EYA2: variants seen among roughly 807,000 people sequenced by gnomAD.
EYA2 encodes EYA transcriptional coactivator and phosphatase 2.
In EYA2, 31 loss-of-function variants were observed where a neutral mutation model predicts 69.2. That is an observed-to-expected ratio of 0.45 (90% CI 0.34 to 0.60). The LOEUF (loss-of-function observed/expected upper bound fraction) is 0.60, where lower values mean the gene tolerates loss of function less well. Among genes scored for constraint, EYA2 ranks in the 20% least tolerant of loss-of-function variants. The probability of loss-of-function intolerance (pLI) is 0.02; values close to 1 mark genes in which losing one functional copy is unlikely to be tolerated. For synonymous variants in EYA2, 257 were observed against 279.4 expected (o/e 0.92, Z 0.80); for missense variants, 622 against 701.2 (o/e 0.89, Z 1.28).
At chr20:47,069,255 A>T (rs1460918580) in intron 5 of EYA2, among the ~76,000 whole-genome samples, 1 of 152,186 alleles carries the variant, frequency 6.6e-6, no homozygotes, top group African/African-American at 2.4e-5. Flanking sequence ...ACACTTTGGG[A>T]AGCTGAGGCA....
intron 1 of EYA2, among the ~76,000 whole-genome samples, chr20:46,986,388 G>GATATATATAGATCTATATAATATCT: frequency 1.5e-5 from 1 of 66,026 alleles, no homozygotes; most frequent in South Asian, 4.7e-4. Flanking sequence ...ATTATATATC[G>GATATATATAGATCTATATAATATCT]ATATATAATA....
intron 5 of EYA2, among the ~76,000 whole-genome samples, chr20:47,039,111 T>TCACACA (rs11467574): frequency 0.12 from 18,201 of 149,876 alleles, 1,143 homozygotes; most frequent in Non-Finnish European, 0.14. Flanking sequence ...GATGTCGAAA[T>TCACACA]CACACACACA....
intron 5 of EYA2, among the ~76,000 whole-genome samples, chr20:47,060,851 CTT>C (rs35809050): frequency 0.26 from 32,845 of 125,168 alleles, 3,640 homozygotes; most frequent in African/African-American, 0.36. Flanking sequence ...CTCTCTCTCT[CTT>C]TTTTTTTTTT....
intron 1 of EYA2, among the ~76,000 whole-genome samples, chr20:46,965,009 C>G (rs1484325819): frequency 6.6e-6 from 1 of 152,162 alleles, no homozygotes; most frequent in Non-Finnish European, 1.5e-5. Flanking sequence ...CACTAGACGC[C>G]CAACTTGTAG....
At chr20:47,012,227 A>G (rs1187753322) in intron 4 of EYA2, among the ~76,000 whole-genome samples, 2 of 152,218 alleles carry the variant, frequency 1.3e-5, no homozygotes, top group African/African-American at 2.4e-5. Flanking sequence ...GAACTTGCAG[A>G]TAGTTCACGA....
intron 10 of EYA2, among the ~76,000 whole-genome samples, chr20:47,145,631 G>T (rs780192968): frequency 6.6e-6 from 1 of 152,172 alleles, no homozygotes. Context: ...GGGCATGGTG[G>T]CTCACACCTG....
intron 3 of EYA2, among the ~76,000 whole-genome samples, chr20:47,003,418 G>T (rs1982498323): frequency 6.6e-6 from 1 of 152,242 alleles, no homozygotes; most frequent in Admixed American, 6.5e-5. Context: ...CATTGTTGCA[G>T]ACAGGATGTG....
At chr20:47,113,380 G>T (rs1051989908) in intron 9 of EYA2, among the ~76,000 whole-genome samples, 1 of 152,178 alleles carries the variant, frequency 6.6e-6, no homozygotes, top group African/African-American at 2.4e-5. Flanking sequence ...GGAGAGAGGG[G>T]CTGATCGGCT....
chr20:47,131,425 A>G (rs2067194770), intron 9 of EYA2, among the ~76,000 whole-genome samples: 1 of 152,220 alleles, frequency 6.6e-6, no homozygotes, highest in Admixed American at 6.5e-5. Context: ...TATACTCAAA[A>G]TAACCGCATT....
chr20:47,064,338 A>AG (rs2031026025), intron 5 of EYA2, among the ~76,000 whole-genome samples: 1 of 152,226 alleles, frequency 6.6e-6, no homozygotes, highest in Non-Finnish European at 1.5e-5. Flanking sequence ...TGGCGGAATA[A>AG]TATTCCATTG....
At chr20:47,101,834 A>G (rs1425643541) in intron 9 of EYA2, among the ~76,000 whole-genome samples, 1 of 152,194 alleles carries the variant, frequency 6.6e-6, no homozygotes, top group Non-Finnish European at 1.5e-5. Flanking sequence ...GATGAGACCT[A>G]CAGAAGTTGT....
chr20:47,076,353 A>G (rs574963740), intron 7 of EYA2, among the ~76,000 whole-genome samples: 76 of 152,302 alleles, frequency 5.0e-4, no homozygotes, highest in African/African-American at 1.8e-3. Context: ...TTTTCTCTGT[A>G]ACCTTGCCAG....
intron 5 of EYA2, among the ~76,000 whole-genome samples, chr20:47,046,205 G>T (rs2030028415): frequency 1.3e-5 from 2 of 152,080 alleles, no homozygotes; most frequent in African/African-American, 4.8e-5. Context: ...CTTTTATAAG[G>T]GGCTTCTTTT....
At chr20:47,013,516 G>C (rs1362715496) in intron 4 of EYA2, among the ~76,000 whole-genome samples, 1 of 152,242 alleles carries the variant, frequency 6.6e-6, no homozygotes, top group Non-Finnish European at 1.5e-5. Flanking sequence ...GCTTGAGGAA[G>C]TATGTACATT....
At chr20:47,085,748 A>G (rs2031875108) in intron 7 of EYA2, among the ~76,000 whole-genome samples, 1 of 152,196 alleles carries the variant, frequency 6.6e-6, no homozygotes, top group South Asian at 2.1e-4. Context: ...AAGAATACAT[A>G]CTATATGATT....
At chr20:46,968,012 A>T (rs1321967012) in intron 1 of EYA2, among the ~76,000 whole-genome samples, 1 of 152,162 alleles carries the variant, frequency 6.6e-6, no homozygotes, top group Non-Finnish European at 1.5e-5. Flanking sequence ...TGGATGAGAT[A>T]TGGGGGATGG....
At chr20:47,143,859 G>A (rs1467487264) in intron 10 of EYA2, among the ~76,000 whole-genome samples, 2 of 152,154 alleles carry the variant, frequency 1.3e-5, no homozygotes, top group African/African-American at 2.4e-5. Flanking sequence ...TCCAGGCTCA[G>A]GCTAACTATT....
At chr20:47,159,567 A>G (rs2034022357) in intron 10 of EYA2, among the ~76,000 whole-genome samples, 1 of 152,096 alleles carries the variant, frequency 6.6e-6, no homozygotes, top group African/African-American at 2.4e-5. Flanking sequence ...ACAGTAGTTA[A>G]CACAGCACTA....
intron 9 of EYA2, among the ~76,000 whole-genome samples, chr20:47,098,312 T>C (rs999088913): frequency 3.3e-5 from 5 of 152,328 alleles, no homozygotes; most frequent in East Asian, 3.9e-4. Flanking sequence ...TCCACAGCCA[T>C]TGCAAAAATT....
Sources: allele counts gnomAD v4.1 joint callset (sites outside exome capture counted in the v4.1 genomes callset), GRCh38; gene constraint gnomAD v4.1.1; transcripts MANE v1.5; gene names NCBI Gene and HGNC (gene_info 2026-07-23, HGNC 2026-07-21).